The following MAP2K1 variants were observed in gnomAD, a reference collection of about 807,000 sequenced individuals.
MAP2K1 encodes dual specificity mitogen-activated protein kinase kinase 1.
In MAP2K1, 16 loss-of-function variants were observed where a neutral mutation model predicts 46.3. The ratio of observed to expected loss-of-function variants is 0.35; its 90% confidence interval spans 0.23 to 0.52. The LOEUF (loss-of-function observed/expected upper bound fraction) is 0.52, where lower values mean the gene tolerates loss of function less well. Among genes scored for constraint, MAP2K1 ranks in the 20% least tolerant of loss-of-function variants. MAP2K1 has a pLI of 0.94. For missense variants in MAP2K1, 263 were observed against 497.1 expected, an observed-to-expected ratio of 0.53 and a Z score of 4.48; for synonymous variants, 183 against 185.6, an observed-to-expected ratio of 0.99 and a Z score of 0.11.
rs115066523 is a variant in MAP2K1, at chr15:66,425,208, A to C, written c.81-9819A>C. 2.1e-3 allele frequency among the ~76,000 whole-genome samples: 317 copies of C among 152,162 alleles called. 1 individual carries two copies. The highest frequency in any genetic ancestry group is 7.2e-3 in the African/African-American group (299 of 41,500). ...CCAGACTTTGCCTTGTATCTGCGGC[A>C]GGTCTTGGGCAGGAGAAAGTTTTGT... On this transcript the variant is annotated intron_variant, in intron 1 of 10. Coordinates refer to ENST00000307102, the MANE Select transcript of MAP2K1 (RefSeq NM_002755.4).
chr15:66,440,075 G>T (rs1156651633), intron 3 of MAP2K1, among the ~76,000 whole-genome samples: 3 of 150,674 alleles, frequency 2.0e-5, no homozygotes, highest in Non-Finnish European at 4.4e-5. Flanking sequence ...AATTTTGGGG[G>T]GCGCGTGGGG....
chr15:66,410,213 A>C (rs1164632059), intron 1 of MAP2K1, among the ~76,000 whole-genome samples: 1 of 152,188 alleles, frequency 6.6e-6, no homozygotes, highest in Non-Finnish European at 1.5e-5. Flanking sequence ...TGGCATGTTC[A>C]GTTTGAAATG....
intron 1 of MAP2K1, among the ~76,000 whole-genome samples, chr15:66,414,673 C>A (rs1034847022): frequency 3.9e-5 from 6 of 152,146 alleles, no homozygotes; most frequent in Non-Finnish European, 8.8e-5. Flanking sequence ...TGAACTGAAT[C>A]TCTAGCCCTT....
At chr15:66,490,137 C>T (rs925021804) in intron 10 of MAP2K1, 3 of 511,236 alleles carry the variant, frequency 5.9e-6, no homozygotes, top group Admixed American at 3.2e-5. Flanking sequence ...GTGGAAATAG[C>T]TAAGTAATAC....
chr15:66,404,147 A>G (rs1483157516), intron 1 of MAP2K1, among the ~76,000 whole-genome samples: 2 of 152,316 alleles, frequency 1.3e-5, no homozygotes, highest in African/African-American at 4.8e-5. Flanking sequence ...GTCCACTGAT[A>G]AAACTAGGTC....
chr15:66,400,667 T>C (rs564867062), intron 1 of MAP2K1, among the ~76,000 whole-genome samples: 3 of 152,186 alleles, frequency 2.0e-5, no homozygotes, highest in Non-Finnish European at 2.9e-5. Context: ...AGTTACATGT[T>C]TGCTAAGTTT....
chr15:66,472,429 T>C (rs1892659685), intron 5 of MAP2K1, among the ~76,000 whole-genome samples: 1 of 152,240 alleles, frequency 6.6e-6, no homozygotes, highest in Non-Finnish European at 1.5e-5. Context: ...AGTTTTGTTA[T>C]CAGAAGAGTT....
At chr15:66,404,795 G>A (rs1314410918) in intron 1 of MAP2K1, among the ~76,000 whole-genome samples, 1 of 152,062 alleles carries the variant, frequency 6.6e-6, no homozygotes, top group African/African-American at 2.4e-5. Flanking sequence ...AATGGTGAGC[G>A]GAAATCAGTG....
At chr15:66,420,763 G>GTGTA (rs2093437203) in intron 1 of MAP2K1, among the ~76,000 whole-genome samples, 1 of 43,656 alleles carries the variant, frequency 2.3e-5, no homozygotes, top group Non-Finnish European at 5.2e-5. Flanking sequence ...GTGTGTGTAT[G>GTGTA]TGTGTATATA....
At chr15:66,444,812 A>G (rs1185549077) in intron 5 of MAP2K1, 105 bp downstream of exon 5, 5 of 933,094 alleles carry the variant, frequency 5.4e-6, no homozygotes, top group South Asian at 1.4e-5. Flanking sequence ...AAGCCTTTTA[A>G]TAACATGTTA....
chr15:66,422,306 G>A, intron 1 of MAP2K1, among the ~76,000 whole-genome samples: 1 of 152,092 alleles, frequency 6.6e-6, no homozygotes, highest in Non-Finnish European at 1.5e-5. Flanking sequence ...ATACCTATAA[G>A]TGTGTGTGAC....
At chr15:66,419,799 G>A (rs1208965288) in intron 1 of MAP2K1, among the ~76,000 whole-genome samples, 1 of 152,076 alleles carries the variant, frequency 6.6e-6, no homozygotes. Flanking sequence ...TGATTCCCAG[G>A]GGGTGTTTTT....
At chr15:66,471,051 A>C (rs962038851) in intron 5 of MAP2K1, among the ~76,000 whole-genome samples, 5 of 152,162 alleles carry the variant, frequency 3.3e-5, no homozygotes, top group African/African-American at 1.2e-4. Flanking sequence ...AGCCTTTCCA[A>C]AGGAGGCAAT....
intron 5 of MAP2K1, among the ~76,000 whole-genome samples, chr15:66,448,822 T>A (rs185338699): frequency 1.3e-5 from 2 of 151,832 alleles, no homozygotes; most frequent in Admixed American, 1.3e-4. Context: ...GCCAACATGG[T>A]GAAACCCCCG....
In MAP2K1 at chr15:66,490,638, C is replaced by T. The variant is rs376181437; in HGVS notation, c.*23C>T. 1.5e-5 allele frequency: 23 copies of T among 1,578,234 alleles called. No individual in the cohort carries two copies. The highest frequency in any genetic ancestry group is 6.7e-5 in the Admixed American group (4 of 59,950). On this transcript the variant is annotated 3_prime_UTR_variant, in exon 11 of 11. Transcript: ENST00000307102. ...TAAGTGTTTGGGAAGCAACAAAGAGCGAGTCCCCTGCCCGGTGGTTTGCCA... is the reference window on the plus strand; with the variant it reads ...TAAGTGTTTGGGAAGCAACAAAGAGTGAGTCCCCTGCCCGGTGGTTTGCCA...
In MAP2K1 at chr15:66,463,634, C is replaced by T. The variant is rs552357951; in HGVS notation, c.569-18121C>T. 4.5e-4 allele frequency among the ~76,000 whole-genome samples: 69 copies of T among 152,350 alleles called. 3 individuals are homozygous for T. In the South Asian group the frequency reaches 0.014, roughly 31 times the overall value. ...AGTAGCCGGGATTACAGGCGCCTGCCACTACGCCCGGCTAATTTTTTGTAT... is the reference window on the plus strand; with the variant it reads ...AGTAGCCGGGATTACAGGCGCCTGCTACTACGCCCGGCTAATTTTTTGTAT... On this transcript the variant is annotated intron_variant, in intron 5 of 10. Coordinates refer to ENST00000307102, the MANE Select transcript of MAP2K1 (RefSeq NM_002755.4).
intron 8 of MAP2K1, among the ~76,000 whole-genome samples, chr15:66,488,341 C>T (rs1226073856): frequency 6.6e-6 from 1 of 152,160 alleles, no homozygotes; most frequent in Non-Finnish European, 1.5e-5. Context: ...CTGACATGGC[C>T]CTCAAAGGAA....
At chr15:66,405,521 AAGG>A (rs2093394355) in intron 1 of MAP2K1, among the ~76,000 whole-genome samples, 1 of 152,188 alleles carries the variant, frequency 6.6e-6, no homozygotes, top group Admixed American at 6.5e-5. Context: ...TTATTCCACA[AAGG>A]AGAAAATGAG....
At chr15:66,392,892 T>C (rs1445512374) in intron 1 of MAP2K1, among the ~76,000 whole-genome samples, 2 of 152,210 alleles carry the variant, frequency 1.3e-5, no homozygotes, top group Admixed American at 6.5e-5. Context: ...TGAGCTCTAT[T>C]CATGATGCTA....
Sources: allele counts gnomAD v4.1 joint callset (sites outside exome capture counted in the v4.1 genomes callset), GRCh38; gene constraint gnomAD v4.1.1; transcripts MANE v1.5; gene names NCBI Gene and HGNC (gene_info 2026-07-23, HGNC 2026-07-21).